ABCC10: variants seen among roughly 807,000 people sequenced by gnomAD.
ABCC10 encodes the protein ATP-binding cassette sub-family C member 10.
Under a neutral mutation model 143.2 loss-of-function variants are expected in ABCC10, and 110 were observed. That is an observed-to-expected ratio of 0.77 (90% CI 0.66 to 0.90). The LOEUF is 0.90. Among genes scored for constraint, ABCC10 ranks in the 40% least tolerant of loss-of-function variants. The pLI, the probability that ABCC10 is intolerant of heterozygous loss-of-function variation, is 0.00. For synonymous variants in ABCC10, 805 were observed against 846.7 expected, an observed-to-expected ratio of 0.95 and a Z score of 0.85; for missense variants, 1,700 against 1,900.5, an observed-to-expected ratio of 0.89 and a Z score of 1.96.
chr6:43,431,291 G>T (rs1179192232), intron 2 of ABCC10, among the ~76,000 whole-genome samples: 1 of 152,138 alleles, frequency 6.6e-6, no homozygotes, highest in Non-Finnish European at 1.5e-5. Context: ...GAATTTAAGG[G>T]TACTGTTAGG....
chr6:43,432,736 C>A lies in ABCC10; in HGVS notation c.756C>A (p.His252Gln). The stretch of plus-strand genomic sequence containing the variant: ...CTCAGGACATTTGCCGCCTCCCCCA[C>A]AGACTGCAGCCAACCTACCTGGCTC... ...RQPQDICRLPHRLQPTYLARV... is the reference protein window; with the variant it reads ...RQPQDICRLPQRLQPTYLARV... The change falls in exon 3 of 22, where the codon CAC becomes CAA. Residue 252 changes from histidine to glutamine, a missense_variant. Transcript: ENST00000372530. The A allele has an allele frequency of 1.2e-6, 2 of 1,614,184 alleles. No individual in the cohort carries two copies. The highest frequency in any genetic ancestry group is 1.7e-6 in the Non-Finnish European group (2 of 1,180,024).
In ABCC10 at chr6:43,450,201, A is replaced by G; in HGVS notation, c.*110A>G. On this transcript the variant is annotated 3_prime_UTR_variant, in exon 22 of 22. Transcript: ENST00000372530. The surrounding 1 kb of genome is among the most constrained non-coding windows in gnomAD (Gnocchi z 4.5). ...CTCCTCTGGGGCTCTACCTCTCCAC[A>G]CTTCCCCAGAAGGGAAAAGGGCACC... 1 of 1,327,386 alleles carries G rather than the reference A, an allele frequency of 7.5e-7. No individual in the cohort carries two copies. The highest frequency in any genetic ancestry group is 1.5e-5 in the African/African-American group (1 of 67,280). 82.2% of individuals were successfully genotyped at this position (1,327,386 alleles called of 1,614,324 possible).
At chr6:43,435,643 T>A in intron 4 of ABCC10, 108 bp from the exon 5 acceptor site, 1 of 1,343,886 alleles carries the variant, frequency 7.4e-7, no homozygotes, top group East Asian at 2.5e-5. Context: ...AGCCCTTCAG[T>A]TCTGTCATTG....
chr6:43,448,916 T>C lies in ABCC10; in HGVS notation c.3995T>C (p.Leu1332Ser). 1 of 1,614,116 alleles carries C rather than the reference T, an allele frequency of 6.2e-7. No individual in the cohort carries two copies. The highest frequency in any genetic ancestry group is 8.5e-7 in the Non-Finnish European group (1 of 1,179,978). ...GCTATCATCCCCCAGGAGCCCTTTT[T>C]GTTCAGTGGGACTGTTCGGGAAAAC... ...QLAIIPQEPF[L>S]FSGTVRENLD... is the part of the protein sequence containing the mutation. The change falls in exon 19 of 22, where the codon TTG (leucine) becomes TCG (serine). Residue 1332 changes from leucine to serine, a missense_variant. Coordinates refer to ENST00000372530, the MANE Select transcript of ABCC10 (RefSeq NM_001198934.2).
chr6:43,437,933 G>A lies in ABCC10; in HGVS notation c.1876-1G>A, dbSNP rs374140047. The A allele has an allele frequency of 6.2e-7, 1 of 1,612,366 alleles. No individual in the cohort carries two copies. The highest frequency in any genetic ancestry group is 1.3e-5 in the African/African-American group (1 of 74,946). On this transcript the variant is annotated splice_acceptor_variant, in intron 6 of 21. Coordinates refer to ENST00000372530, the MANE Select transcript of ABCC10 (RefSeq NM_001198934.2). LOFTEE classifies it high-confidence loss of function. ...CAGATGCTTGTGTGGCTTCCTTGCA[G>A]GGTATGCTGGTGGGCATCGTGGGGA... is the stretch of plus-strand genomic sequence containing the variant.
At chr6:43,434,446 G>C in intron 3 of ABCC10, 175 bp from the exon 4 acceptor site, 1 of 615,942 alleles carries the variant, frequency 1.6e-6, no homozygotes, top group Non-Finnish European at 2.8e-6. Context: ...AGGATTTGAA[G>C]GGCAGGATTT....
At chr6:43,441,462 G>A (rs1471669625) in intron 8 of ABCC10, among the ~76,000 whole-genome samples, 3 of 151,530 alleles carry the variant, frequency 2.0e-5, no homozygotes, top group Admixed American at 6.6e-5. Context: ...GCGACAGAGC[G>A]AGACTCCGTC....
downstream of ABCC10, chr6:43,451,286 G>T: frequency 4.3e-6 from 7 of 1,611,402 alleles, no homozygotes; most frequent in Non-Finnish European, 5.9e-6. This position sits in a 1 kb window ranked among gnomAD's most constrained non-coding sequence, Gnocchi z 4.4. Flanking sequence ...TGTGGTAGGG[G>T]TGAGAGAGGA....
chr6:43,440,415 A>G (rs889989223), intron 8 of ABCC10, among the ~76,000 whole-genome samples: 2 of 152,160 alleles, frequency 1.3e-5, no homozygotes, highest in East Asian at 1.9e-4. Flanking sequence ...TTTGTTGTTC[A>G]TCTCTTTCCT....
chr6:43,451,025 C>G (rs1164927891), downstream of ABCC10: 1 of 1,614,104 alleles, frequency 6.2e-7, no homozygotes, highest in Non-Finnish European at 8.5e-7. The surrounding 1 kb of genome is among the most constrained non-coding windows in gnomAD (Gnocchi z 4.4). Context: ...GGGCCCCTCT[C>G]TGGCATGGGC....
intron 21 of ABCC10, 32 bp from the exon 22 acceptor site, chr6:43,449,897 A>G (rs1783589460): frequency 1.2e-6 from 2 of 1,613,220 alleles, no homozygotes; most frequent in Non-Finnish European, 1.7e-6. Context: ...ATTGTCCCTC[A>G]TCCCCTACAC....
downstream of ABCC10, chr6:43,451,811 T>G: frequency 6.4e-6 from 9 of 1,417,296 alleles, no homozygotes; most frequent in South Asian, 3.3e-5. This position sits in a 1 kb window ranked among gnomAD's most constrained non-coding sequence, Gnocchi z 4.4. Flanking sequence ...CATGCAGGGG[T>G]TTTATCTGAG....
chr6:43,437,012 G>C (rs1781797253), intron 6 of ABCC10, among the ~76,000 whole-genome samples: 1 of 152,142 alleles, frequency 6.6e-6, no homozygotes, highest in Non-Finnish European at 1.5e-5. Context: ...TTATAATAAG[G>C]ATGTAGAGAT....
At chr6:43,438,839 G>A (rs752256722) in intron 8 of ABCC10, 44 bp downstream of exon 8, 1 of 1,606,864 alleles carries the variant, frequency 6.2e-7, no homozygotes, top group Admixed American at 1.7e-5. Flanking sequence ...TGTTTCTCCA[G>A]TGTCCCTGAC....
intron 2 of ABCC10, among the ~76,000 whole-genome samples, chr6:43,430,479 C>G (rs927324647): frequency 2.2e-4 from 33 of 151,966 alleles, no homozygotes; most frequent in African/African-American, 7.2e-4. Context: ...AGAAAACCCC[C>G]AGCTACTCGG....
chr6:43,436,105 T>G (rs760205166), intron 5 of ABCC10, 33 bp from the exon 6 acceptor site: 3 of 1,613,828 alleles, frequency 1.9e-6, no homozygotes, highest in Middle Eastern at 1.6e-4. Flanking sequence ...TGTGGTAGAT[T>G]AGGAGCCCAA....
downstream of ABCC10, chr6:43,450,579 C>T (rs201223220): frequency 1.4e-5 from 22 of 1,580,662 alleles, no homozygotes; most frequent in East Asian, 2.2e-5. This position sits in a 1 kb window ranked among gnomAD's most constrained non-coding sequence, Gnocchi z 4.5. Flanking sequence ...GGGCAAGTCA[C>T]GTGGCAGGGG....
intron 2 of ABCC10, chr6:43,431,782 G>T (rs552470157): frequency 9.1e-7 from 1 of 1,096,990 alleles, no homozygotes; most frequent in Non-Finnish European, 1.1e-6. Flanking sequence ...AGTAGCAAAC[G>T]TAGTACCCAG....
rs761407298 is a variant in ABCC10, at chr6:43,447,460, A to T, written c.3705+52A>T. 14 of 1,588,868 alleles carry T rather than the reference A, an allele frequency of 8.8e-6. No homozygotes were observed. The Admixed American group carries it at 2.5e-4, about 29-fold the overall frequency. On this transcript the variant is annotated intron_variant, in intron 17 of 21. Coordinates refer to ENST00000372530, the MANE Select transcript of ABCC10 (RefSeq NM_001198934.2). Reference sequence around the variant, plus strand: ...AAAGCTCTGGAACCCTGAAGGCCCCAGTCTCCCTCACAATTCCTTTCTTTT... The same window carrying T: ...AAAGCTCTGGAACCCTGAAGGCCCCTGTCTCCCTCACAATTCCTTTCTTTT...
Sources: gnomAD v4.1 joint callset for allele counts (sites outside exome capture counted in the v4.1 genomes callset) on GRCh38, gnomAD v4.1.1 for gene constraint, Gnocchi (gnomAD v3.1) non-coding constraint, MANE v1.5 for transcripts, NCBI Gene and HGNC (gene_info 2026-07-23, HGNC 2026-07-21) for gene names.